The following DMD variants were observed in gnomAD, a reference collection of about 807,000 sequenced individuals.
The protein encoded by DMD is mutant dystrophin.
In DMD, 63 loss-of-function variants were observed where a neutral mutation model predicts 330.1. The observed-to-expected ratio is 0.19, with a 90% CI of 0.16 to 0.24. The LOEUF is 0.24. Ranked by LOEUF, DMD falls within the 10% of genes least tolerant of loss-of-function variation. The pLI, the probability that DMD is intolerant of heterozygous loss-of-function variation, is 1.00. For synonymous variants in DMD, 1,223 were observed against 959.8 expected (o/e 1.27, Z -5.07); for missense variants, 3,344 against 2,684.1 (o/e 1.25, Z -5.43).
At chrX:32,163,452 A>C (rs1386067298) in intron 44 of DMD, among the ~76,000 whole-genome samples, 3 of 112,318 alleles carry the variant, frequency 2.7e-5, no homozygotes, top group Non-Finnish European at 5.6e-5. Context: ...ATAGAGATGG[A>C]GAACAGATTA....
chrX:32,647,498 C>T (rs974493861), intron 9 of DMD, among the ~76,000 whole-genome samples: 3 of 111,510 alleles, frequency 2.7e-5, no homozygotes, highest in Admixed American at 1.9e-4. Context: ...AAAATACAAA[C>T]GACCAAGAAA....
chrX:32,584,395 C>T (rs908703326), intron 13 of DMD, among the ~76,000 whole-genome samples: 13 of 111,591 alleles, frequency 1.2e-4, no homozygotes, highest in African/African-American at 4.2e-4. Flanking sequence ...TATGCATATA[C>T]CCAATGATTA....
At chrX:31,298,432 T>TACAC (rs1470777658) in intron 62 of DMD, among the ~76,000 whole-genome samples, 8 of 82,237 alleles carry the variant, frequency 9.7e-5, no homozygotes, top group African/African-American at 4.3e-4. Flanking sequence ...CACACACACA[T>TACAC]ACACACACAC....
intron 55 of DMD, among the ~76,000 whole-genome samples, chrX:31,589,629 C>T (rs1266877639): frequency 1.8e-5 from 2 of 111,562 alleles, no homozygotes; most frequent in Non-Finnish European, 3.8e-5. Flanking sequence ...ACATTGTTAT[C>T]TAGATTGACA....
At chrX:31,383,108 C>A (rs1452389719) in intron 60 of DMD, among the ~76,000 whole-genome samples, 4 of 111,387 alleles carry the variant, frequency 3.6e-5, no homozygotes, top group Non-Finnish European at 7.5e-5. Flanking sequence ...GATGACATTA[C>A]CTTGTGAAAT....
chrX:33,243,923 C>T (rs1216325739), intron 1 of DMD, among the ~76,000 whole-genome samples: 1 of 111,704 alleles, frequency 9.0e-6, no homozygotes, highest in African/African-American at 3.3e-5. Context: ...TGAGAAATTA[C>T]TTAATGTGTA....
upstream of DMD, among the ~76,000 whole-genome samples, chrX:33,214,500 A>G (rs1325103863): frequency 4.5e-5 from 5 of 111,379 alleles, no homozygotes; most frequent in African/African-American, 1.6e-4. Context: ...ATTTCATCAT[A>G]CTCGGCTTTT....
At chrX:32,437,433 A>G (rs2098265773) in intron 29 of DMD, among the ~76,000 whole-genome samples, 1 of 110,400 alleles carries the variant, frequency 9.1e-6, no homozygotes. Context: ...GTCATTAGTC[A>G]ATGGTTTCAT....
chrX:31,980,727 T>C (rs1204110287), intron 44 of DMD, among the ~76,000 whole-genome samples: 1 of 112,074 alleles, frequency 8.9e-6, no homozygotes, highest in Non-Finnish European at 1.9e-5. Flanking sequence ...TGGCAGAATC[T>C]GAATATTATA....
At chrX:32,664,855 C>T (rs965005717) in intron 9 of DMD, among the ~76,000 whole-genome samples, 1 of 111,373 alleles carries the variant, frequency 9.0e-6, no homozygotes, top group Non-Finnish European at 1.9e-5. Flanking sequence ...ATAAGATCAT[C>T]GAGAAAATGA....
At chrX:32,996,066 A>G (rs1169050986) in intron 2 of DMD, among the ~76,000 whole-genome samples, 2 of 112,168 alleles carry the variant, frequency 1.8e-5, no homozygotes, top group African/African-American at 6.5e-5. Flanking sequence ...AAAACGTAGT[A>G]CTTGATCCGC....
At chrX:31,798,470 T>G (rs1478196115) in intron 50 of DMD, among the ~76,000 whole-genome samples, 2 of 109,229 alleles carry the variant, frequency 1.8e-5, no homozygotes, top group African/African-American at 6.7e-5. Context: ...TAGTCAGATA[T>G]TCAGCAAACA....
chrX:32,339,287 A>G (rs1339300922), intron 41 of DMD, among the ~76,000 whole-genome samples: 1 of 112,019 alleles, frequency 8.9e-6, no homozygotes, highest in Non-Finnish European at 1.9e-5. Flanking sequence ...AGTACATCCT[A>G]TAGAACTATC....
At chrX:32,600,598 GCACA>G (rs201249837) in intron 12 of DMD, among the ~76,000 whole-genome samples, 36 of 95,269 alleles carry the variant, frequency 3.8e-4, no homozygotes, top group Middle Eastern at 5.4e-3. Context: ...ACACGCACAC[GCACA>G]CACACACACA....
intron 43 of DMD, among the ~76,000 whole-genome samples, chrX:32,254,380 T>C (rs1411561910): frequency 8.9e-6 from 1 of 112,019 alleles, no homozygotes; most frequent in Non-Finnish European, 1.9e-5. Flanking sequence ...TAGCATATAA[T>C]AATGTGTGGT....
intron 50 of DMD, among the ~76,000 whole-genome samples, chrX:31,800,358 T>G (rs12847271): frequency 0.13 from 14,025 of 112,109 alleles, 687 homozygotes; most frequent in East Asian, 0.26. Context: ...CAACACCACA[T>G]GTAAGCCACT....
At chrX:31,359,614 T>C (rs2058834998) in intron 60 of DMD, among the ~76,000 whole-genome samples, 1 of 112,568 alleles carries the variant, frequency 8.9e-6, no homozygotes, top group Non-Finnish European at 1.9e-5. Context: ...AAGAGCATTA[T>C]AGGTATATTT....
intron 2 of DMD, among the ~76,000 whole-genome samples, chrX:32,867,222 G>A (rs1422266659): frequency 1.8e-5 from 2 of 109,089 alleles, no homozygotes; most frequent in African/African-American, 6.7e-5. Flanking sequence ...GATTTTTACT[G>A]TCACTTTAGA....
intron 4 of DMD, among the ~76,000 whole-genome samples, chrX:32,844,177 G>C (rs1249799267): frequency 9.0e-6 from 1 of 111,463 alleles, no homozygotes; most frequent in Non-Finnish European, 1.9e-5. Context: ...GGCTGAGGCA[G>C]GTGGATCACC....
Sources: gnomAD v4.1 joint callset for allele counts (sites outside exome capture counted in the v4.1 genomes callset) on GRCh38, gnomAD v4.1.1 for gene constraint, MANE v1.5 for transcripts, NCBI Gene and HGNC (gene_info 2026-07-23, HGNC 2026-07-21) for gene names.